Variants in TTC17 observed in about 807,000 individuals in gnomAD.
TTC17 encodes the protein tetratricopeptide repeat protein 17.
TTC17 carries 58 observed loss-of-function variants against 143.8 expected under a neutral mutation model. The observed-to-expected ratio is 0.40, with a 90% CI of 0.33 to 0.50. TTC17 has a LOEUF of 0.50. TTC17 is among the 20% of genes least tolerant of loss of function. The probability of loss-of-function intolerance (pLI) is 0.49; values close to 1 mark genes in which losing one functional copy is unlikely to be tolerated. For synonymous variants in TTC17, 501 were observed against 497.8 expected, an observed-to-expected ratio of 1.01 and a Z score of -0.09; for missense variants, 1,273 against 1,392.5, an observed-to-expected ratio of 0.91 and a Z score of 1.37.
intron 21 of TTC17, among the ~76,000 whole-genome samples, chr11:43,482,329 A>T (rs1300978032): frequency 2.0e-5 from 3 of 151,116 alleles, no homozygotes; most frequent in Non-Finnish European, 2.9e-5. Context: ...TCTAATGTAG[A>T]TGTTCAATGC....
intron 2 of TTC17, among the ~76,000 whole-genome samples, chr11:43,388,542 T>TA (rs1033677041): frequency 2.7e-5 from 4 of 149,156 alleles, no homozygotes; most frequent in Admixed American, 6.7e-5. Flanking sequence ...TTTTTTCTTT[T>TA]AAAAAAAAAA....
At chr11:43,471,756 A>AATTC (rs1186183928) in intron 21 of TTC17, among the ~76,000 whole-genome samples, 1 of 152,246 alleles carries the variant, frequency 6.6e-6, no homozygotes, top group East Asian at 1.9e-4. Flanking sequence ...TAATAGGTTG[A>AATTC]AGATGCAAGT....
At chr11:43,391,633 G>A in intron 4 of TTC17, 57 bp downstream of exon 4, 13 of 1,271,146 alleles carry the variant, frequency 1.0e-5, no homozygotes, top group Non-Finnish European at 1.4e-5. Flanking sequence ...CTTTCAGTTG[G>A]TCTCTCACTT....
chr11:43,370,349 A>AAGATT (rs746734852), intron 1 of TTC17: 32 of 207,148 alleles, frequency 1.5e-4, no homozygotes, highest in Admixed American at 4.7e-4. Context: ...TGTTTGAGCT[A>AAGATT]GATTTGTGAT....
intron 9 of TTC17, among the ~76,000 whole-genome samples, chr11:43,400,252 A>T (rs1045717352): frequency 1.3e-5 from 2 of 152,148 alleles, no homozygotes; most frequent in Non-Finnish European, 2.9e-5. Flanking sequence ...TCAAATTTAC[A>T]TTTTGAAATA....
At chr11:43,452,439 TGC>T (rs1183136413) in intron 21 of TTC17, among the ~76,000 whole-genome samples, 1 of 152,092 alleles carries the variant, frequency 6.6e-6, no homozygotes, top group Non-Finnish European at 1.5e-5. Flanking sequence ...AGGCGGAGGT[TGC>T]AGTGAGCCAA....
At chr11:43,434,512 T>G (rs1208433765) in intron 16 of TTC17, among the ~76,000 whole-genome samples, 1 of 152,230 alleles carries the variant, frequency 6.6e-6, no homozygotes, top group Non-Finnish European at 1.5e-5. Flanking sequence ...TCACTGAGAA[T>G]CGGTTTCCTC....
chr11:43,447,226 G>A (rs1382016209), intron 18 of TTC17, among the ~76,000 whole-genome samples: 1 of 151,858 alleles, frequency 6.6e-6, no homozygotes, highest in Non-Finnish European at 1.5e-5. Context: ...AACCACATGA[G>A]GTTAAAAAAA....
At chr11:43,381,160 G>T (rs1046100155) in intron 2 of TTC17, among the ~76,000 whole-genome samples, 1 of 152,180 alleles carries the variant, frequency 6.6e-6, no homozygotes, top group Non-Finnish European at 1.5e-5. Flanking sequence ...TAGTGTAGGA[G>T]TTTATACTTA....
Position 43,493,535 on chromosome 11 carries a change from C to G in TTC17, c.3295-238C>G, listed in dbSNP as rs373013196. Among the ~76,000 whole-genome samples, 3 of 152,224 alleles carry G rather than the reference C, an allele frequency of 2.0e-5. No homozygotes were observed. In the East Asian group the frequency reaches 5.8e-4, roughly 29 times the overall value. ...CTGCTCTACCCCTTTTCCTTTTGTTCTTGGGCTCTGCCGTAGTTTCCTTTG... is the reference window on the plus strand; with the variant it reads ...CTGCTCTACCCCTTTTCCTTTTGTTGTTGGGCTCTGCCGTAGTTTCCTTTG... On this transcript the variant is annotated intron_variant, in intron 23 of 23. Transcript: ENST00000039989.
intron 16 of TTC17, among the ~76,000 whole-genome samples, chr11:43,420,184 A>C (rs944123619): frequency 5.9e-5 from 9 of 152,242 alleles, no homozygotes; most frequent in Non-Finnish European, 1.3e-4. Context: ...AATTACAGTC[A>C]GTCTTTGGCG....
At chr11:43,442,839 C>T (rs1466709331) in intron 16 of TTC17, among the ~76,000 whole-genome samples, 9 of 152,098 alleles carry the variant, frequency 5.9e-5, no homozygotes, top group Admixed American at 5.2e-4. Context: ...AAATGGGAGC[C>T]TTCATGTAGA....
chr11:43,396,282 G>GCCTT (rs1013588428), intron 5 of TTC17: 3 of 149,946 alleles, frequency 2.0e-5, no homozygotes, highest in African/African-American at 7.4e-5. Context: ...GTTGGTTTGT[G>GCCTT]CCTTCACTCA....
chr11:43,388,899 C>A (rs1271617203), intron 2 of TTC17, among the ~76,000 whole-genome samples: 1 of 151,672 alleles, frequency 6.6e-6, no homozygotes, highest in African/African-American at 2.4e-5. Flanking sequence ...TCCCCTGAGC[C>A]CTGGAGTTTG....
At chr11:43,412,388 T>C in intron 15 of TTC17, among the ~76,000 whole-genome samples, 1 of 152,058 alleles carries the variant, frequency 6.6e-6, no homozygotes, top group Non-Finnish European at 1.5e-5. Flanking sequence ...CTTGGGAAGC[T>C]GAGGTGGGAG....
intron 23 of TTC17, among the ~76,000 whole-genome samples, chr11:43,493,208 A>G (rs925999940): frequency 3.3e-5 from 5 of 152,206 alleles, no homozygotes; most frequent in Non-Finnish European, 4.4e-5. Flanking sequence ...TTAACCTTCA[A>G]TATGGCAGGG....
intron 1 of TTC17, among the ~76,000 whole-genome samples, chr11:43,360,941 A>G (rs531059380): frequency 6.6e-6 from 1 of 152,170 alleles, no homozygotes; most frequent in South Asian, 2.1e-4. Context: ...GAATTTTCCA[A>G]TACTTTGCTA....
chr11:43,391,035 G>T (rs1301884439), intron 3 of TTC17, among the ~76,000 whole-genome samples: 1 of 152,178 alleles, frequency 6.6e-6, no homozygotes, highest in African/African-American at 2.4e-5. Flanking sequence ...ATGTGAAAAG[G>T]TATGAATATT....
intron 21 of TTC17, among the ~76,000 whole-genome samples, chr11:43,461,173 A>G (rs1452516926): frequency 6.6e-6 from 1 of 152,076 alleles, no homozygotes; most frequent in Non-Finnish European, 1.5e-5. Context: ...TCAGGAGGTC[A>G]GGAGATTGAG....
Sources: gnomAD v4.1 joint callset for allele counts (sites outside exome capture counted in the v4.1 genomes callset) on GRCh38, gnomAD v4.1.1 for gene constraint, MANE v1.5 for transcripts, NCBI Gene and HGNC (gene_info 2026-07-23, HGNC 2026-07-21) for gene names.